The following DCTPP1 variants were observed in gnomAD, a reference collection of about 807,000 sequenced individuals.
DCTPP1 encodes XTP3-transactivated gene A protein.
Under a neutral mutation model 8.8 loss-of-function variants are expected in DCTPP1, and 8 were observed. That is an observed-to-expected ratio of 0.91 (90% confidence interval 0.54 to 1.64). The LOEUF is 1.64. Ranked by LOEUF, DCTPP1 falls within the 40% of genes most tolerant of loss-of-function variation. DCTPP1 has a pLI of 0.00. For missense variants in DCTPP1, 231 were observed against 230.4 expected (o/e 1.00, Z -0.02); for synonymous variants, 85 against 92.1 (o/e 0.92, Z 0.44).
rs1189635625 is a variant in DCTPP1 at position 30,429,881 on chromosome 16, T to C, written c.100A>G (p.Ile34Val). The change falls in exon 1 of 3, where the codon ATC (isoleucine) becomes GTC (valine). Residue 34 changes from isoleucine (I) to valine (V), a missense_variant and splice_region_variant. Transcript: ENST00000319285. ...SFSPEPTLED[I>V]RRLHAEFAAE... ...CCGAGCTGGGCCAGGCCTGCTTACA[T>C]GTCCTCGAGCGTGGGCTCCGGGCTG... 6.3e-7 allele frequency: 1 copy of C among 1,598,478 alleles called. No homozygotes were observed. Among genetic ancestry groups the C allele is most frequent in the Non-Finnish European group, 8.5e-7 (1 of 1,173,168 alleles).
chr16:30,428,134 A>G (rs757110978), intron 2 of DCTPP1, among the ~76,000 whole-genome samples: 3 of 152,104 alleles, frequency 2.0e-5, no homozygotes, highest in Non-Finnish European at 2.9e-5. Flanking sequence ...TCCAACACTC[A>G]TATCTGGTCA....
chr16:30,429,662 G>A (rs980590941), intron 1 of DCTPP1: 1 of 525,208 alleles, frequency 1.9e-6, no homozygotes. Flanking sequence ...GGCGTTCCTA[G>A]TTACCACTCG....
Position 30,424,080 on chromosome 16 carries a change from G to T in DCTPP1, c.*153C>A. Reference sequence around the variant, plus strand: ...TTACTGGGAGAACAAACACCAGGAGGCTACCTTCTAGAGGCTGCTGGGCCT... The same window carrying T: ...TTACTGGGAGAACAAACACCAGGAGTCTACCTTCTAGAGGCTGCTGGGCCT... On this transcript the variant is annotated 3_prime_UTR_variant, in exon 3 of 3. Transcript: ENST00000319285. The T allele has an allele frequency of 3.4e-6, 3 of 886,554 alleles. No homozygotes were observed. Among genetic ancestry groups the T allele is most frequent in the Non-Finnish European group, 5.0e-6 (3 of 598,192 alleles). 54.9% of individuals were successfully genotyped at this position (886,554 alleles called of 1,614,324 possible). A position where few individuals can be genotyped will look rare whatever the true frequency, so the allele number is the denominator to read the frequency against.
chr16:30,429,800 C>T (rs2050214446), intron 1 of DCTPP1, 80 bp downstream of exon 1: 1 of 1,415,078 alleles, frequency 7.1e-7, no homozygotes, highest in Admixed American at 2.1e-5. Flanking sequence ...GCCCGCTTCC[C>T]GACCACGTGG....
chr16:30,426,857 G>T lies in DCTPP1; in HGVS notation c.212+2200C>A, dbSNP rs556563690. On this transcript the variant is annotated intron_variant, in intron 2 of 2. Coordinates refer to ENST00000319285, the MANE Select transcript of DCTPP1 (RefSeq NM_024096.2). Reference sequence around the variant, plus strand: ...TGGGACTACAGGGGTGTGCCACCATGCCCAGCTAATGGTTGTATTTTTTAG... The same window carrying T: ...TGGGACTACAGGGGTGTGCCACCATTCCCAGCTAATGGTTGTATTTTTTAG... Among the ~76,000 whole-genome samples, 11 of 151,674 alleles carry T rather than the reference G, an allele frequency of 7.3e-5. No homozygotes were observed. The South Asian group carries it at 2.3e-3, about 32-fold the overall frequency.
chr16:30,429,939 TC>T lies in DCTPP1; in HGVS notation c.41del (p.Gly14GlufsTer93), dbSNP rs1208220660. 1.9e-6 allele frequency: 3 copies of T among 1,582,552 alleles called. No homozygotes were observed. Among genetic ancestry groups the T allele is most frequent in the Admixed American group, 1.8e-5 (1 of 56,232 alleles). On this transcript the variant is annotated frameshift_variant, in exon 1 of 3. Coordinates refer to ENST00000319285, the MANE Select transcript of DCTPP1 (RefSeq NM_024096.2). LOFTEE classifies it high-confidence loss of function. ...ACCGGCCGGGAGCAGCAGTGTCCTC[TC>T]CCCCCGTGTCCCCACGAATCTCCCC... ...AGGEIRGDTG[G>X]EDTAAPGRFS... is the part of the protein sequence containing the mutation.
intron 2 of DCTPP1, among the ~76,000 whole-genome samples, chr16:30,427,254 C>T (rs2050199805): frequency 6.7e-6 from 1 of 150,306 alleles, no homozygotes; most frequent in Non-Finnish European, 1.5e-5. Context: ...TCATGATCTG[C>T]CCGTCTCAGC....
In DCTPP1 at chr16:30,424,353, G is replaced by C. The variant is rs1319539873; in HGVS notation, c.393C>G (p.Ala131=). 1.2e-6 allele frequency: 2 copies of C among 1,614,220 alleles called. No homozygotes were observed. The highest frequency in any genetic ancestry group is 1.6e-4 in the Middle Eastern group (1 of 6,062). The change falls in exon 3 of 3, where the codon GCC becomes GCG. Residue 131 remains alanine, a synonymous_variant. Transcript: ENST00000319285. The part of the protein sequence containing the change: ...KMDINRRRYP[A]HLARSSSRKY... Reference sequence around the variant, plus strand: ...TGCGGGAAGAGCTGCGGGCCAGATGGGCTGGGTAGCGTCGCCGGTTGATGT... The same window carrying C: ...TGCGGGAAGAGCTGCGGGCCAGATGCGCTGGGTAGCGTCGCCGGTTGATGT...
Position 30,429,094 on chromosome 16 carries a change from C to G in DCTPP1, c.175G>C (p.Ala59Pro), listed in dbSNP as rs2050210029. Residue 59 changes from alanine (A) to proline (P), a missense_variant, in exon 2 of 3, where the codon GCC becomes CCC. Physicochemically the swap from Ala to Pro is conservative, Grantham distance 27. Coordinates refer to ENST00000319285, the MANE Select transcript of DCTPP1 (RefSeq NM_024096.2). ...AGCTCCCCCACTTCCCCAACCAAGG[C>G]CAGGAGGAGATTCCGAGGCTGATGG... ...QFHQPRNLLL[A>P]LVGEVGELAE... 6 of 1,613,762 alleles carry G rather than the reference C, an allele frequency of 3.7e-6. No individual in the cohort carries two copies. Among genetic ancestry groups the G allele is most frequent in the Non-Finnish European group, 5.1e-6 (6 of 1,179,930 alleles).
chr16:30,425,518 C>CA (rs1040793655), intron 2 of DCTPP1, among the ~76,000 whole-genome samples: 1 of 149,836 alleles, frequency 6.7e-6, no homozygotes, highest in African/African-American at 2.5e-5. Context: ...CAAAATGAAA[C>CA]AAAAAAAATT....
intron 2 of DCTPP1, among the ~76,000 whole-genome samples, chr16:30,426,226 A>G (rs2050191518): frequency 6.6e-6 from 1 of 152,094 alleles, no homozygotes; most frequent in Admixed American, 6.6e-5. Flanking sequence ...CCCAGGCTGG[A>G]GTGCAGTGGC....
Position 30,429,640 on chromosome 16 carries a change from G to A in DCTPP1, c.101+240C>T, listed in dbSNP as rs76905160. The A allele has an allele frequency of 5.1e-4, 263 of 518,264 alleles. 1 individual carries two copies. The highest frequency in any genetic ancestry group is 4.6e-3 in the African/African-American group (230 of 49,606). The allele number at this position is 518,264 out of a possible 1,614,324, so 32.1% of individuals were successfully genotyped here. The stretch of plus-strand genomic sequence containing the variant: ...TATCTGGTGCCGGTATCTTCCCAGG[G>A]CTAGGCTGAAGGGCGTTCCTAGTTA... On this transcript the variant is annotated intron_variant, in intron 1 of 2. Coordinates refer to ENST00000319285, the MANE Select transcript of DCTPP1 (RefSeq NM_024096.2).
intron 2 of DCTPP1, 130 bp downstream of exon 2, chr16:30,428,927 T>G: frequency 1.0e-6 from 1 of 987,254 alleles, no homozygotes; most frequent in Non-Finnish European, 1.5e-6. Context: ...CCTCTCTGCA[T>G]CCCAACAACA....
intron 2 of DCTPP1, among the ~76,000 whole-genome samples, chr16:30,428,243 C>A (rs891782452): frequency 2.0e-5 from 3 of 152,234 alleles, no homozygotes; most frequent in African/African-American, 7.2e-5. Context: ...ACTCATCCAA[C>A]GTGTGCCTAT....
In DCTPP1 at chr16:30,429,072, T is replaced by A. The variant is rs2050209750; in HGVS notation, c.197A>T (p.Glu66Val). 6.2e-7 allele frequency: 1 copy of A among 1,613,158 alleles called. No individual in the cohort carries two copies. ...ATCTACTCACAAGAGTTCTGCCAGC[T>A]CCCCCACTTCCCCAACCAAGGCCAG... The part of the protein sequence containing the change: ...LLLALVGEVG[E>V]LAELFQWKTD... Residue 66 changes from glutamate to valine, a missense_variant, in exon 2 of 3, where the codon GAG becomes GTG. Coordinates refer to ENST00000319285, the MANE Select transcript of DCTPP1 (RefSeq NM_024096.2).
chr16:30,429,647 T>C, intron 1 of DCTPP1: 1 of 522,008 alleles, frequency 1.9e-6, no homozygotes, highest in Non-Finnish European at 3.4e-6. Context: ...AGGGCTAGGC[T>C]GAAGGGCGTT....
At chr16:30,425,355 G>C (rs1323896778) in intron 2 of DCTPP1, among the ~76,000 whole-genome samples, 1 of 151,986 alleles carries the variant, frequency 6.6e-6, no homozygotes, top group Non-Finnish European at 1.5e-5. Flanking sequence ...TGGGCATGGT[G>C]GTGGGCACCT....
chr16:30,425,978 A>C (rs2050190179), intron 2 of DCTPP1, among the ~76,000 whole-genome samples: 1 of 150,234 alleles, frequency 6.7e-6, no homozygotes, highest in Non-Finnish European at 1.5e-5. Flanking sequence ...ACTGCCCCCC[A>C]CTCTCACTCC....
At chr16:30,429,253 A>G in intron 1 of DCTPP1, 86 bp from the exon 2 acceptor site, 1 of 1,353,942 alleles carries the variant, frequency 7.4e-7, no homozygotes, top group Non-Finnish European at 1.0e-6. Flanking sequence ...CGTAGTATGT[A>G]ATGGGGCCTG....
Sources: allele counts gnomAD v4.1 joint callset (sites outside exome capture counted in the v4.1 genomes callset), GRCh38; gene constraint gnomAD v4.1.1; transcripts MANE v1.5; gene names NCBI Gene and HGNC (gene_info 2026-07-23, HGNC 2026-07-21).